RGS3: variants seen among roughly 807,000 people sequenced by gnomAD.
The protein encoded by RGS3 is regulator of G-protein signalling 3.
Under a neutral mutation model 132.6 loss-of-function variants are expected in RGS3, and 80 were observed. The ratio of observed to expected loss-of-function variants is 0.60; its 90% CI spans 0.50 to 0.73. RGS3 has a LOEUF of 0.73. Among genes scored for constraint, RGS3 ranks in the 30% least tolerant of loss-of-function variants. The pLI is 0.00. For missense variants in RGS3, 1,382 were observed against 1,530.8 expected (o/e 0.90, Z 1.62); for synonymous variants, 598 against 620.6 (o/e 0.96, Z 0.54).
chr9:113,475,963 G>A (rs192769652), intron 3 of RGS3, among the ~76,000 whole-genome samples: 142 of 151,228 alleles, frequency 9.4e-4, no homozygotes, highest in Non-Finnish European at 1.5e-3. Context: ...CAGGTCTCAC[G>A]CTGTTCCCCA....
intron 10 of RGS3, among the ~76,000 whole-genome samples, chr9:113,504,149 G>C (rs1831031520): frequency 6.6e-6 from 1 of 152,124 alleles, no homozygotes. Context: ...CCTGGCCCTG[G>C]GATGGTGGGT....
chr9:113,524,564 G>A (rs1414393352), intron 17 of RGS3, among the ~76,000 whole-genome samples: 7 of 152,206 alleles, frequency 4.6e-5, no homozygotes, highest in Admixed American at 2.6e-4. Flanking sequence ...TGGAGGTTGC[G>A]GGGAGAAGGT....
In RGS3 at chr9:113,448,091, C is replaced by T. The variant is rs544859168; in HGVS notation, c.-13+3164C>T. Among the ~76,000 whole-genome samples, 3 of 152,170 alleles carry T rather than the reference C, an allele frequency of 2.0e-5. No individual in the cohort carries two copies. The South Asian group carries it at 6.2e-4, about 32-fold the overall frequency. On this transcript the variant is annotated intron_variant, in intron 1 of 25. Coordinates refer to the RGS3 transcript ENST00000374140. Reference sequence around the variant, plus strand: ...CAGGCTGATCTCAAACTCCTGGGCTCAAGCCATCCTCCTGCCTCAACCTTC... The same window carrying T: ...CAGGCTGATCTCAAACTCCTGGGCTTAAGCCATCCTCCTGCCTCAACCTTC...
At chr9:113,492,026 G>A (rs1830536871) in intron 7 of RGS3, among the ~76,000 whole-genome samples, 2 of 152,100 alleles carry the variant, frequency 1.3e-5, no homozygotes, top group South Asian at 4.1e-4. Context: ...ACCAGTGATG[G>A]GTACTGAGCT....
chr9:113,504,791 C>T (rs1186634506), intron 10 of RGS3, among the ~76,000 whole-genome samples: 1 of 152,260 alleles, frequency 6.6e-6, no homozygotes, highest in Non-Finnish European at 1.5e-5. Context: ...TCAGCAGGCA[C>T]ATGAGTCAGT....
intron 22 of RGS3, 44 bp from the exon 21 acceptor site, chr9:113,594,875 A>C (rs761766633): frequency 6.3e-7 from 1 of 1,590,748 alleles, no homozygotes; most frequent in South Asian, 1.1e-5. Flanking sequence ...CAAGGTTCCC[A>C]AGCCTCTCAG....
intron 1 of RGS3, among the ~76,000 whole-genome samples, chr9:113,454,683 CTTTTT>C (rs772993021): frequency 1.6e-5 from 2 of 121,278 alleles, no homozygotes; most frequent in Non-Finnish European, 3.5e-5. Context: ...TGCTTTTAAA[CTTTTT>C]TTTTTTTTTT....
At chr9:113,533,389 C>T (rs546077174) in intron 18 of RGS3, among the ~76,000 whole-genome samples, 9 of 152,092 alleles carry the variant, frequency 5.9e-5, no homozygotes, top group Non-Finnish European at 1.3e-4. Context: ...CACCACCATG[C>T]CTGGCTAATT....
At chr9:113,533,319 C>T (rs1832552537) in intron 18 of RGS3, among the ~76,000 whole-genome samples, 1 of 151,996 alleles carries the variant, frequency 6.6e-6, no homozygotes, top group Non-Finnish European at 1.5e-5. Context: ...CAACATCCGC[C>T]TCCTGGGTTC....
At position 113,507,719 on chromosome 9, in the gene RGS3, G is replaced by A. The variant is rs1405700914; in HGVS notation, c.1437+81G>A. 5 of 1,176,206 alleles carry A rather than the reference G, an allele frequency of 4.3e-6. No individual in the cohort carries two copies. The highest frequency in any genetic ancestry group is 5.8e-6 in the Non-Finnish European group (5 of 862,994). 72.9% of individuals were successfully genotyped at this position (1,176,206 alleles called of 1,614,324 possible). ...GGAAGACTTGAAGACCCAAAGTTGTGTGATGAGCAGCCTGTGAGGGGCTGC... is the reference window on the plus strand; with the variant it reads ...GGAAGACTTGAAGACCCAAAGTTGTATGATGAGCAGCCTGTGAGGGGCTGC... On this transcript the variant is annotated intron_variant, in intron 13 of 24. Coordinates refer to ENST00000350696, the Ensembl canonical transcript of RGS3. This position sits in a 1 kb window ranked among gnomAD's most constrained non-coding sequence, Gnocchi z 5.0.
At chr9:113,572,507 G>A (rs1834335016) in intron 19 of RGS3, among the ~76,000 whole-genome samples, 1 of 152,078 alleles carries the variant, frequency 6.6e-6, no homozygotes, top group South Asian at 2.1e-4. Context: ...GAGTGAAAAA[G>A]CCTCTTTTTT....
intron 3 of RGS3, among the ~76,000 whole-genome samples, chr9:113,472,306 T>C: frequency 6.6e-6 from 1 of 152,236 alleles, no homozygotes; most frequent in South Asian, 2.1e-4. Context: ...CACACAAACA[T>C]GTGTACACAC....
chr9:113,491,113 G>T (rs1830505157), intron 7 of RGS3, among the ~76,000 whole-genome samples: 1 of 139,076 alleles, frequency 7.2e-6, no homozygotes, highest in African/African-American at 2.7e-5. Context: ...TTATATATGA[G>T]CATATAGAAA....
chr9:113,454,973 G>A (rs1291485164), intron 1 of RGS3, among the ~76,000 whole-genome samples: 1 of 152,054 alleles, frequency 6.6e-6, no homozygotes, highest in African/African-American at 2.4e-5. Flanking sequence ...GGGACTCTCT[G>A]GAGACCTCTG....
At chr9:113,460,534 AT>A (rs908434111) in intron 1 of RGS3, among the ~76,000 whole-genome samples, 22 of 151,364 alleles carry the variant, frequency 1.5e-4, no homozygotes, top group African/African-American at 2.2e-4. Flanking sequence ...AAAAAAAAAA[AT>A]TTTTTTTTCT....
intron 19 of RGS3, among the ~76,000 whole-genome samples, chr9:113,544,878 C>G (rs776303230): frequency 6.6e-6 from 1 of 152,154 alleles, no homozygotes; most frequent in Non-Finnish European, 1.5e-5. Context: ...CAGGAAGAGG[C>G]AAGAGAGGGA....
At chr9:113,597,249 C>T (rs895670445) in exon 25 of RGS3, 5 of 301,172 alleles carry the variant, frequency 1.7e-5, no homozygotes, top group South Asian at 1.5e-4. Flanking sequence ...CTGCGGAGAC[C>T]GCGGAGGCTT....
At chr9:113,524,298 C>T (rs979298605) in intron 17 of RGS3, among the ~76,000 whole-genome samples, 4 of 152,126 alleles carry the variant, frequency 2.6e-5, no homozygotes, top group African/African-American at 4.8e-5. Flanking sequence ...GCACTCACAC[C>T]GAGTCCCTTC....
chr9:113,529,324 C>A, intron 18 of RGS3, 60 bp downstream of exon 16: 1 of 1,359,896 alleles, frequency 7.4e-7, no homozygotes, highest in Non-Finnish European at 1.1e-6. Context: ...TGAGGGGAGA[C>A]ACTGGGCTGG....
Sources: gnomAD v4.1 joint callset for allele counts (sites outside exome capture counted in the v4.1 genomes callset) on GRCh38, gnomAD v4.1.1 for gene constraint, Gnocchi (gnomAD v3.1) non-coding constraint, MANE v1.5 for transcripts, NCBI Gene and HGNC (gene_info 2026-07-23, HGNC 2026-07-21) for gene names.